Variants in ASAP1 observed in about 807,000 individuals in gnomAD.
ASAP1 encodes the protein ArfGAP with SH3 domain, ankyrin repeat and PH domain 1.
Under a neutral mutation model 145.2 loss-of-function variants are expected in ASAP1, and 43 were observed. The ratio of observed to expected loss-of-function variants is 0.30; its 90% confidence interval spans 0.23 to 0.38. The LOEUF (loss-of-function observed/expected upper bound fraction) is 0.38. Ranked by LOEUF, ASAP1 falls within the 10% of genes least tolerant of loss-of-function variation. The pLI is 1.00. For missense variants in ASAP1, 1,018 were observed against 1,355.3 expected, an observed-to-expected ratio of 0.75 and a Z score of 3.91; for synonymous variants, 546 against 515.5, an observed-to-expected ratio of 1.06 and a Z score of -0.80.
intron 23 of ASAP1, among the ~76,000 whole-genome samples, chr8:130,114,828 G>A (rs2097552351): frequency 6.8e-6 from 1 of 147,208 alleles, no homozygotes. Flanking sequence ...GGTCAAGAGT[G>A]CAGTAGTACA....
At chr8:130,087,123 G>C (rs1362049940) in intron 25 of ASAP1, among the ~76,000 whole-genome samples, 2 of 152,160 alleles carry the variant, frequency 1.3e-5, no homozygotes, top group Admixed American at 1.3e-4. Flanking sequence ...GCAGAGCCAA[G>C]ACCTGTCAGC....
intron 1 of ASAP1, among the ~76,000 whole-genome samples, chr8:130,412,556 T>A (rs1228463063): frequency 6.6e-6 from 1 of 152,114 alleles, no homozygotes; most frequent in African/African-American, 2.4e-5. Context: ...TTAAACCTCT[T>A]TTCTTTATAA....
intron 3 of ASAP1, among the ~76,000 whole-genome samples, chr8:130,278,489 TTC>T (rs1434272416): frequency 2.0e-5 from 3 of 152,224 alleles, no homozygotes; most frequent in Non-Finnish European, 4.4e-5. Flanking sequence ...ACTCACTGGC[TTC>T]TGTTTCATTA....
chr8:130,405,009 A>G (rs1828961747), intron 1 of ASAP1, among the ~76,000 whole-genome samples: 1 of 151,910 alleles, frequency 6.6e-6, no homozygotes, highest in Non-Finnish European at 1.5e-5. Flanking sequence ...GCCAAACCAC[A>G]ACCAACCCAT....
At chr8:130,431,726 T>C (rs1210660393) in intron 1 of ASAP1, among the ~76,000 whole-genome samples, 1 of 151,752 alleles carries the variant, frequency 6.6e-6, no homozygotes, top group African/African-American at 2.4e-5. Context: ...TGGCCCCCAT[T>C]CATATGAGAG....
At chr8:130,339,164 G>A (rs908510294) in intron 3 of ASAP1, among the ~76,000 whole-genome samples, 3 of 152,184 alleles carry the variant, frequency 2.0e-5, no homozygotes, top group African/African-American at 4.8e-5. Flanking sequence ...CCATAGACAC[G>A]AATCATCTCA....
intron 4 of ASAP1, among the ~76,000 whole-genome samples, chr8:130,217,260 TAATGAATA>T (rs1816984816): frequency 1.3e-5 from 2 of 152,196 alleles, no homozygotes; most frequent in Non-Finnish European, 2.9e-5. Flanking sequence ...AGTATTTACA[TAATGAATA>T]AATGAATAAA....
chr8:130,368,503 C>T (rs1827066070), intron 2 of ASAP1, among the ~76,000 whole-genome samples: 2 of 152,216 alleles, frequency 1.3e-5, no homozygotes, highest in African/African-American at 4.8e-5. Context: ...TCAGTCATGT[C>T]TCTACTTTCC....
intron 3 of ASAP1, among the ~76,000 whole-genome samples, chr8:130,282,600 T>C (rs1397385395): frequency 6.6e-6 from 1 of 152,100 alleles, no homozygotes; most frequent in African/African-American, 2.4e-5. Flanking sequence ...GCCTTTCAGC[T>C]CTGGCATGTG....
chr8:130,223,682 A>T (rs1442505595), intron 4 of ASAP1, among the ~76,000 whole-genome samples: 1 of 151,878 alleles, frequency 6.6e-6, no homozygotes, highest in East Asian at 1.9e-4. Context: ...GAAGTGCCTC[A>T]TCTAGTATCT....
intron 27 of ASAP1, among the ~76,000 whole-genome samples, chr8:130,072,824 T>TGTGTGTGTGTGTGTGTGTGTGC: frequency 3.1e-5 from 1 of 32,280 alleles, no homozygotes; most frequent in African/African-American, 1.2e-4. Context: ...TGTGTGTGTG[T>TGTGTGTGTGTGTGTGTGTGTGC]GCGCGCGGGG....
intron 1 of ASAP1, among the ~76,000 whole-genome samples, chr8:130,423,773 G>C (rs7834677): frequency 0.13 from 19,317 of 152,228 alleles, 1,700 homozygotes; most frequent in African/African-American, 0.25. Context: ...TATGGATGAT[G>C]ATTATTTGCT....
intron 15 of ASAP1, among the ~76,000 whole-genome samples, chr8:130,131,961 C>T (rs909365379): frequency 6.6e-6 from 1 of 152,216 alleles, no homozygotes; most frequent in Non-Finnish European, 1.5e-5. Flanking sequence ...TATTGAAGAT[C>T]TGAGTTTGAG....
chr8:130,177,610 A>G (rs1814052694), intron 9 of ASAP1, among the ~76,000 whole-genome samples: 1 of 152,210 alleles, frequency 6.6e-6, no homozygotes, highest in Admixed American at 6.5e-5. Context: ...TCAATAAACA[A>G]ACTTAATCTT....
chr8:130,131,736 G>A (rs2097583439), intron 15 of ASAP1, among the ~76,000 whole-genome samples: 1 of 152,016 alleles, frequency 6.6e-6, no homozygotes, highest in Admixed American at 6.6e-5. Context: ...GACTGAGGCT[G>A]CAAGTGAGCT....
intron 4 of ASAP1, 66 bp downstream of exon 4, chr8:130,236,856 A>G (rs1818243760): frequency 5.0e-6 from 6 of 1,198,422 alleles, no homozygotes; most frequent in Non-Finnish European, 5.8e-6. Context: ...CATCTTTTAA[A>G]TAACTAACAA....
intron 1 of ASAP1, among the ~76,000 whole-genome samples, chr8:130,432,777 A>AC (rs147226532): frequency 4.1e-4 from 63 of 151,882 alleles, no homozygotes; most frequent in African/African-American, 1.5e-3. Flanking sequence ...ATCTTTCTTC[A>AC]CCCCCACTGC....
At chr8:130,251,588 A>G (rs1418294368) in intron 3 of ASAP1, among the ~76,000 whole-genome samples, 1 of 152,168 alleles carries the variant, frequency 6.6e-6, no homozygotes. Flanking sequence ...TTTTTATAGA[A>G]CAAACAAAAC....
chr8:130,237,177 C>T (rs969326530), intron 3 of ASAP1, among the ~76,000 whole-genome samples, 183 bp from the exon 4 acceptor site: 5 of 151,982 alleles, frequency 3.3e-5, no homozygotes, highest in African/African-American at 9.7e-5. Context: ...TTATATTTTC[C>T]GGAGAAGTGC....
Sources: gnomAD v4.1 joint callset for allele counts (sites outside exome capture counted in the v4.1 genomes callset) on GRCh38, gnomAD v4.1.1 for gene constraint, MANE v1.5 for transcripts, NCBI Gene and HGNC (gene_info 2026-07-23, HGNC 2026-07-21) for gene names.